Variants in CEP63 observed in about 807,000 individuals in gnomAD.
CEP63 encodes centrosomal protein of 63 kDa.
CEP63 carries 84 observed loss-of-function variants against 89.1 expected under a neutral mutation model. That is an observed-to-expected ratio of 0.94 (90% confidence interval 0.79 to 1.13). CEP63 has a LOEUF of 1.13. CEP63 is among the 50% of genes most tolerant of loss of function. The pLI is 0.00. For synonymous variants in CEP63, 267 were observed against 272.5 expected, an observed-to-expected ratio of 0.98 and a Z score of 0.20; for missense variants, 838 against 813.3, an observed-to-expected ratio of 1.03 and a Z score of -0.37.
chr3:134,491,414 G>A (rs542851491), intron 1 of CEP63, among the ~76,000 whole-genome samples: 1 of 151,890 alleles, frequency 6.6e-6, no homozygotes, highest in Non-Finnish European at 1.5e-5. Context: ...TAGATTTTTT[G>A]CCTAATCTTT....
At chr3:134,502,645 T>G (rs761720752) in intron 2 of CEP63, among the ~76,000 whole-genome samples, 1 of 152,184 alleles carries the variant, frequency 6.6e-6, no homozygotes, top group Non-Finnish European at 1.5e-5. Context: ...TCTTTTGTAC[T>G]TCTATGGGAT....
chr3:134,522,705 A>G (rs771330930), intron 3 of CEP63, among the ~76,000 whole-genome samples: 1 of 152,062 alleles, frequency 6.6e-6, no homozygotes, highest in African/African-American at 2.4e-5. Flanking sequence ...AAGTGAGAAT[A>G]TGCGGTATTT....
the CEP63 span, among the ~76,000 whole-genome samples, chr3:134,611,630 G>A: frequency 2.6e-5 from 4 of 152,202 alleles, no homozygotes; most frequent in South Asian, 4.1e-4. Context: ...CCTTTGATGG[G>A]GCTCCTTTGA....
intron 6 of CEP63, among the ~76,000 whole-genome samples, chr3:134,538,566 T>TATATATATATATATATG (rs1407833955): frequency 6.9e-6 from 1 of 144,044 alleles, no homozygotes; most frequent in South Asian, 2.2e-4. Context: ...TATATATATA[T>TATATATATATATATATG]TTTTTTAACA....
downstream of CEP63, among the ~76,000 whole-genome samples, chr3:134,589,276 T>C (rs1310736690): frequency 5.9e-5 from 9 of 152,182 alleles, no homozygotes; most frequent in Admixed American, 5.2e-4. Flanking sequence ...CTCTTATGAA[T>C]ATAGATGTTA....
chr3:134,664,835 AT>A, the CEP63 span, among the ~76,000 whole-genome samples: 1 of 152,146 alleles, frequency 6.6e-6, no homozygotes, highest in African/African-American at 2.4e-5. Context: ...GCTGCTCTGA[AT>A]TCAGCACTGG....
the CEP63 span, among the ~76,000 whole-genome samples, chr3:134,669,137 C>T: frequency 6.6e-6 from 1 of 152,130 alleles, no homozygotes; most frequent in Admixed American, 6.5e-5. Flanking sequence ...ACAATCATCT[C>T]ACCTCAGCCT....
At chr3:134,631,115 A>C in the CEP63 span, among the ~76,000 whole-genome samples, 1 of 152,212 alleles carries the variant, frequency 6.6e-6, no homozygotes, top group Admixed American at 6.5e-5. Flanking sequence ...TCTAACAGTC[A>C]CATCATTGAA....
the CEP63 span, chr3:134,608,344 G>A: frequency 4.6e-6 from 6 of 1,305,140 alleles, no homozygotes; most frequent in Non-Finnish European, 6.0e-6. Context: ...ATGCCAGGCT[G>A]TGTGTTCAGC....
the CEP63 span, among the ~76,000 whole-genome samples, chr3:134,633,316 C>A: frequency 1.3e-5 from 2 of 152,120 alleles, no homozygotes; most frequent in Admixed American, 6.5e-5. Context: ...CACTACAGAC[C>A]AATACCCCTT....
chr3:134,717,175 C>A, the CEP63 span, among the ~76,000 whole-genome samples: 1 of 152,196 alleles, frequency 6.6e-6, no homozygotes, highest in Non-Finnish European at 1.5e-5. Flanking sequence ...GAGATTCGAA[C>A]ACGTGAACAA....
chr3:134,781,857 C>T, the CEP63 span, among the ~76,000 whole-genome samples: 1 of 152,118 alleles, frequency 6.6e-6, no homozygotes, highest in Admixed American at 6.5e-5. Flanking sequence ...TTCTTTCTTT[C>T]TGTCCTCTCC....
At chr3:134,498,189 C>G (rs767233792) in intron 2 of CEP63, among the ~76,000 whole-genome samples, 1 of 152,086 alleles carries the variant, frequency 6.6e-6, no homozygotes, top group African/African-American at 2.4e-5. Context: ...ATTCTTCTGA[C>G]CCATGGGCAT....
the CEP63 span, among the ~76,000 whole-genome samples, chr3:134,667,136 C>G: frequency 6.6e-6 from 1 of 152,206 alleles, no homozygotes; most frequent in Non-Finnish European, 1.5e-5. Context: ...CCATGGTATG[C>G]CTCTTCCCAG....
chr3:134,720,710 C>G, the CEP63 span, among the ~76,000 whole-genome samples: 1 of 152,084 alleles, frequency 6.6e-6, no homozygotes, highest in East Asian at 1.9e-4. Context: ...ATCCAGTTTT[C>G]CCAGCACCAT....
the CEP63 span, among the ~76,000 whole-genome samples, chr3:134,740,589 GCC>G: frequency 1.3e-5 from 2 of 152,230 alleles, no homozygotes; most frequent in African/African-American, 4.8e-5. Context: ...GAGCCACCGT[GCC>G]CCGCCTCTTT....
At chr3:134,691,545 G>A in the CEP63 span, among the ~76,000 whole-genome samples, 4 of 151,832 alleles carry the variant, frequency 2.6e-5, no homozygotes, top group South Asian at 2.1e-4. Flanking sequence ...TTGAACCCAG[G>A]AGGCAGAGGT....
In CEP63 at chr3:134,559,422, T is replaced by C; in HGVS notation, c.1946T>C (p.Ile649Thr). Reference protein sequence around the residue: ...SESMNDQEEFISSCSLPVSPL... With the variant: ...SESMNDQEEFTSSCSLPVSPL... Reference sequence around the variant, plus strand: ...AGTATGAATGACCAAGAAGAGTTTATATCTTCGGTATGGAAACTTTCTGAT... The same window carrying C: ...AGTATGAATGACCAAGAAGAGTTTACATCTTCGGTATGGAAACTTTCTGAT... Residue 649 changes from isoleucine to threonine, a missense_variant, in exon 14 of 15, where the codon ATA becomes ACA. Transcript: ENST00000675561. The C allele has an allele frequency of 1.9e-6, 3 of 1,613,048 alleles. No homozygotes were observed. In the Middle Eastern group the frequency reaches 4.9e-4, roughly 266 times the overall value.
chr3:134,649,702 G>T, the CEP63 span, among the ~76,000 whole-genome samples: 1 of 152,204 alleles, frequency 6.6e-6, no homozygotes, highest in Admixed American at 6.5e-5. Flanking sequence ...TCTTTCCCCT[G>T]CCTGCCTTCC....
Sources: gnomAD v4.1 joint callset for allele counts (sites outside exome capture counted in the v4.1 genomes callset) on GRCh38, gnomAD v4.1.1 for gene constraint, MANE v1.5 for transcripts, NCBI Gene and HGNC (gene_info 2026-07-23, HGNC 2026-07-21) for gene names.